RYR1: variants seen among roughly 807,000 people sequenced by gnomAD.
RYR1 encodes central core disease of muscle.
RYR1 carries 342 observed loss-of-function variants against 583.5 expected under a neutral mutation model. The ratio of observed to expected loss-of-function variants is 0.59; its 90% CI spans 0.54 to 0.64. RYR1 has a LOEUF of 0.64. RYR1 is among the 30% of genes least tolerant of loss of function. The pLI, the probability that RYR1 is intolerant of heterozygous loss-of-function variation, is 0.00. For missense variants in RYR1, 6,032 were observed against 6,917.2 expected, an observed-to-expected ratio of 0.87 and a Z score of 4.54; for synonymous variants, 2,791 against 2,822.5, an observed-to-expected ratio of 0.99 and a Z score of 0.35.
At position 38,483,614 on chromosome 19, in the gene RYR1, T is replaced by C. The variant is rs1969129174; in HGVS notation, c.4934+98T>C. ...CCCCTCCTCAACACAACCCCGGGAT[T>C]CCAGACTACACCCCAGGAATCTCCA... is the stretch of plus-strand genomic sequence containing the variant. On this transcript the variant is annotated intron_variant, in intron 33 of 105. Transcript: ENST00000359596. This position sits in a 1 kb window ranked among gnomAD's most constrained non-coding sequence, Gnocchi z 6.3. 3 of 1,077,638 alleles carry C rather than the reference T, an allele frequency of 2.8e-6. No individual in the cohort carries two copies. In the African/African-American group the frequency reaches 4.7e-5, roughly 17 times the overall value. The allele number at this position is 1,077,638 out of a possible 1,614,324, so 66.8% of individuals were successfully genotyped here. A position where few individuals can be genotyped will look rare whatever the true frequency, so the allele number is the denominator to read the frequency against.
Position 38,478,639 on chromosome 19 carries a change from T to C in RYR1, c.4620+39T>C, listed in dbSNP as rs763931087. 3.1e-6 allele frequency: 5 copies of C among 1,600,356 alleles called. No individual in the cohort carries two copies. In the Admixed American group the frequency reaches 8.3e-5, roughly 27 times the overall value. The stretch of plus-strand genomic sequence containing the variant: ...ACAGCAATTTAGCGAGAGCATCATG[T>C]CCCAGCATCCCAGGACAGCTCTTAT... On this transcript the variant is annotated intron_variant, in intron 31 of 105. Coordinates refer to ENST00000359596, the MANE Select transcript of RYR1 (RefSeq NM_000540.3).
In RYR1 at chr19:38,525,468, A is replaced by G. The variant is rs761429911; in HGVS notation, c.10592A>G (p.Asp3531Gly). 6.2e-6 allele frequency: 10 copies of G among 1,613,796 alleles called. No individual in the cohort carries two copies. The highest frequency in any genetic ancestry group is 8.5e-6 in the Non-Finnish European group (10 of 1,179,922). ...AATATGTGTGCGCCCACCGACCAAG[A>G]CCTCATCACGCTGGCCAAGACCCGT... Reference protein sequence around the residue: ...GLNMCAPTDQDLITLAKTRYA... With the variant: ...GLNMCAPTDQGLITLAKTRYA... Residue 3531 changes from aspartate to glycine, a missense_variant, in exon 71 of 106, where the codon GAC becomes GGC. Asp to Gly is a moderately conservative substitution (Grantham distance 94). Transcript: ENST00000359596.
At chr19:38,442,867 G>GCT (rs1972762454) in intron 3 of RYR1, among the ~76,000 whole-genome samples, 1 of 152,142 alleles carries the variant, frequency 6.6e-6, no homozygotes, top group Non-Finnish European at 1.5e-5. Context: ...CCTGATCCCA[G>GCT]CTCCTCTCCG....
At chr19:38,434,142 G>A (rs867201501) in intron 1 of RYR1, among the ~76,000 whole-genome samples, 2 of 152,076 alleles carry the variant, frequency 1.3e-5, no homozygotes, top group African/African-American at 4.8e-5. Context: ...CCCACAAGAA[G>A]GACCCCCGAG....
chr19:38,567,037 C>G (rs1973474981), intron 92 of RYR1, 50 bp downstream of exon 92: 1 of 1,551,092 alleles, frequency 6.4e-7, no homozygotes, highest in Non-Finnish European at 8.7e-7. Flanking sequence ...TGCCTCCCTC[C>G]TAGAGTAGGA....
At chr19:38,477,676 G>T in intron 29 of RYR1, 34 bp from the exon 30 acceptor site, 1 of 1,613,946 alleles carries the variant, frequency 6.2e-7, no homozygotes, top group Non-Finnish European at 8.5e-7. Flanking sequence ...CTGACTTCCA[G>T]ACTGACCACT....
intron 63 of RYR1, 151 bp from the exon 64 acceptor site, chr19:38,514,874 CT>C: frequency 1.5e-6 from 1 of 681,070 alleles, no homozygotes; most frequent in Admixed American, 2.1e-5. Context: ...GAGTTGGTAA[CT>C]TGCTCAAGTC....
At chr19:38,459,858 A>G (rs1001575869) in intron 19 of RYR1, among the ~76,000 whole-genome samples, 2 of 152,132 alleles carry the variant, frequency 1.3e-5, no homozygotes, top group Admixed American at 6.5e-5. Context: ...TGACCTTTCA[A>G]TAGACCCAGA....
At chr19:38,447,239 A>G (rs1972987702) in intron 9 of RYR1, among the ~76,000 whole-genome samples, 1 of 151,550 alleles carries the variant, frequency 6.6e-6, no homozygotes, top group Non-Finnish European at 1.5e-5. Context: ...AAACAAACAA[A>G]CAAAACAAAA....
Position 38,459,124 on chromosome 19 carries a change from C to A in RYR1, c.2168-22C>A. On this transcript the variant is annotated intron_variant, in intron 18 of 105. Transcript: ENST00000359596. ...TTCTGTGGGACCTGTGACGTCTGAC[C>A]CATCTCTGGTGACTGATGCAGGACA... The A allele has an allele frequency of 4.4e-6, 7 of 1,607,592 alleles. No homozygotes were observed. In the South Asian group the frequency reaches 7.7e-5, roughly 18 times the overall value.
chr19:38,478,148 C>G (rs1968832399), intron 30 of RYR1, among the ~76,000 whole-genome samples: 1 of 151,932 alleles, frequency 6.6e-6, no homozygotes. Context: ...TTCATCTCAC[C>G]CTTCTCCTTC....
In RYR1 at chr19:38,525,348, A is replaced by G. The variant is rs761890723; in HGVS notation, c.10472A>G (p.Gln3491Arg). ...AGDIQSGGSD[Q>R]ERTKKKRRGD... ...TCCCCACAGTCCGGTGGCTCGGACC[A>G]GGAACGCACCAAGAAGAAGCGCCGG... Residue 3491 changes from glutamine to arginine, a missense_variant, in exon 71 of 106, where the codon CAG (glutamine) becomes CGG (arginine). Gln to Arg is a conservative substitution (Grantham distance 43, BLOSUM62 1). Transcript: ENST00000359596. 3.1e-6 allele frequency: 5 copies of G among 1,609,246 alleles called. No individual in the cohort carries two copies. The highest frequency in any genetic ancestry group is 1.1e-5 in the South Asian group (1 of 90,992).
intron 83 of RYR1, 167 bp downstream of exon 83, chr19:38,536,934 G>A (rs1971997442): frequency 1.4e-6 from 1 of 689,908 alleles, no homozygotes; most frequent in Admixed American, 2.3e-5. Flanking sequence ...AGTCTGGGGA[G>A]CATGATTCAG....
chr19:38,467,993 T>A (rs1968200220), intron 25 of RYR1, 181 bp downstream of exon 25: 2 of 637,768 alleles, frequency 3.1e-6, no homozygotes, highest in Non-Finnish European at 5.6e-6. Flanking sequence ...CATCCATCGA[T>A]CTATCAGACA....
intron 88 of RYR1, among the ~76,000 whole-genome samples, chr19:38,547,355 T>C (rs1313770965): frequency 6.6e-6 from 1 of 151,852 alleles, no homozygotes; most frequent in African/African-American, 2.4e-5. Context: ...CCAGCCTACA[T>C]TAAAATTTAA....
rs1475307413 is a variant in RYR1 at position 38,494,539 on chromosome 19, C to A, written c.6462C>A (p.Ser2154Arg). The A allele has an allele frequency of 1.9e-6, 3 of 1,614,022 alleles. No individual in the cohort carries two copies. In the South Asian group the frequency reaches 3.3e-5, roughly 18 times the overall value. Residue 2154 changes from serine to arginine, a missense_variant, in exon 39 of 106, where the codon AGC becomes AGA. This residue lies in a region of RYR1 where 2,627 missense variants were observed against 2,961.3 expected (regional missense o/e 0.89). Transcript: ENST00000359596. Reference sequence around the variant, plus strand: ...CGTCCTCCGTGGAAGACACCATGAGCCTGCTCGAGTGCCTCGGCCAGATCC... The same window carrying A: ...CGTCCTCCGTGGAAGACACCATGAGACTGCTCGAGTGCCTCGGCCAGATCC... ...ISPSSVEDTM[S>R]LLECLGQIRS...
intron 76 of RYR1, among the ~76,000 whole-genome samples, chr19:38,531,060 C>T (rs1039348143): frequency 6.7e-6 from 1 of 149,148 alleles, no homozygotes; most frequent in African/African-American, 2.5e-5. Context: ...TCTCAAACTC[C>T]TGACCTCAGG....
rs1472590403 is a variant in RYR1 at position 38,455,260 on chromosome 19, G to T, written c.1466G>T (p.Cys489Phe). 2 of 1,613,906 alleles carry T rather than the reference G, an allele frequency of 1.2e-6. No individual in the cohort carries two copies. The highest frequency in any genetic ancestry group is 1.7e-6 in the Non-Finnish European group (2 of 1,180,002). The change falls in exon 14 of 106, where the codon TGC becomes TTC. Residue 489 changes from cysteine to phenylalanine, a missense_variant. Transcript: ENST00000359596. ...EEGMLSMVLNCIDRLNVYTTA... is the reference protein window; with the variant it reads ...EEGMLSMVLNFIDRLNVYTTA... ...GGGATGCTCTCCATGGTCCTGAATTGCATAGACCGCCTAAATGTCTACACC... is the reference window on the plus strand; with the variant it reads ...GGGATGCTCTCCATGGTCCTGAATTTCATAGACCGCCTAAATGTCTACACC...
Position 38,499,695 on chromosome 19 carries a change from G to T in RYR1, c.7088G>T (p.Cys2363Phe). The stretch of plus-strand genomic sequence containing the variant: ...CGGCTGCTCATCCGGAAGCCTGAGT[G>T]CTTCGGACCCGCCCTGCGGGGTGAG... The part of the protein sequence containing the change: ...VVRLLIRKPE[C>F]FGPALRGEGG... The change falls in exon 44 of 106, where the codon TGC becomes TTC. Residue 2363 changes from cysteine to phenylalanine, a missense_variant. By Grantham distance (205) the Cys-to-Phe change is radical (BLOSUM62 -2). Around this residue, in one of 11 missense-constraint regions of RYR1, gnomAD observed 2,627 missense variants for 2,961.3 expected, o/e 0.89. Transcript: ENST00000359596. The surrounding 1 kb of genome is among the most constrained non-coding windows in gnomAD (Gnocchi z 7.3). The T allele has an allele frequency of 6.2e-7, 1 of 1,600,938 alleles. No homozygotes were observed. Among genetic ancestry groups the T allele is most frequent in the Non-Finnish European group, 8.5e-7 (1 of 1,179,820 alleles).
Sources: gnomAD v4.1 joint callset for allele counts (sites outside exome capture counted in the v4.1 genomes callset) on GRCh38, gnomAD v4.1.1 for gene constraint, gnomAD v4.1.1 regional missense constraint, Gnocchi (gnomAD v3.1) non-coding constraint, MANE v1.5 for transcripts, NCBI Gene and HGNC (gene_info 2026-07-23, HGNC 2026-07-21) for gene names.